Variants in TMEM132B observed in about 807,000 individuals in gnomAD.
TMEM132B encodes transmembrane protein 132B.
A neutral mutation model predicts 90.8 loss-of-function variants in TMEM132B; 18 were observed. The observed-to-expected ratio is 0.20, with a 90% CI of 0.14 to 0.29. The LOEUF is 0.29. Among genes scored for constraint, TMEM132B ranks in the 10% least tolerant of loss-of-function variants. TMEM132B has a pLI of 1.00. For missense variants in TMEM132B, 1,096 were observed against 1,326.8 expected (o/e 0.83, Z 2.70); for synonymous variants, 504 against 523.3 (o/e 0.96, Z 0.50).
At chr12:125,580,660 A>G (rs1278457323) in intron 4 of TMEM132B, among the ~76,000 whole-genome samples, 2 of 152,176 alleles carry the variant, frequency 1.3e-5, no homozygotes, top group African/African-American at 4.8e-5. Flanking sequence ...TTCTTGAATA[A>G]ATGATCTCCT....
intron 4 of TMEM132B, among the ~76,000 whole-genome samples, chr12:125,542,377 G>C (rs1883980609): frequency 6.6e-6 from 1 of 152,146 alleles, no homozygotes; most frequent in Middle Eastern, 3.2e-3. Context: ...CCATTTTCAA[G>C]TGTACAGTTC....
chr12:125,602,214 A>C (rs746422313), intron 5 of TMEM132B, among the ~76,000 whole-genome samples: 1 of 152,210 alleles, frequency 6.6e-6, no homozygotes, highest in African/African-American at 2.4e-5. Flanking sequence ...AAAATCCTCA[A>C]TAAAATACTG....
At position 125,188,852 on chromosome 12, in the gene TMEM132B, C is replaced by CAAAAAAA. The variant is rs72059024; in HGVS notation, c.67+2001_67+2007dup. On this transcript the variant is annotated intron_variant, in intron 1 of 8. Coordinates refer to ENST00000682704, the MANE Select transcript of TMEM132B (RefSeq NM_001366854.1). ...ATTTAGCACTAGTTAGGAGGGATGG[C>CAAAAAAA]AAAAAAAAAAAAAAAAAAAAAGAAA... Among the ~76,000 whole-genome samples the CAAAAAAA allele has an allele frequency of 2.2e-5, 2 of 91,204 alleles. 1 individual carries two copies. Among genetic ancestry groups the CAAAAAAA allele is most frequent in the Non-Finnish European group, 4.1e-5 (2 of 48,684 alleles). 59.8% of individuals were successfully genotyped at this position (91,204 alleles called of 152,430 possible).
intron 1 of TMEM132B, among the ~76,000 whole-genome samples, chr12:125,197,675 A>G (rs1360200133): frequency 2.0e-5 from 3 of 152,238 alleles, no homozygotes; most frequent in African/African-American, 7.2e-5. Context: ...GGTCCTTTTA[A>G]AGACAAAATT....
At chr12:125,366,639 G>T (rs1878142310) in intron 2 of TMEM132B, among the ~76,000 whole-genome samples, 1 of 152,122 alleles carries the variant, frequency 6.6e-6, no homozygotes, top group African/African-American at 2.4e-5. Flanking sequence ...ATGTGCAGAG[G>T]TATGGACTTT....
At chr12:125,266,203 G>C (rs4765031) in intron 1 of TMEM132B, among the ~76,000 whole-genome samples, 1 of 152,132 alleles carries the variant, frequency 6.6e-6, no homozygotes, top group Non-Finnish European at 1.5e-5. Flanking sequence ...CACTCCAGCC[G>C]GGGTGACAAA....
chr12:125,464,149 A>T (rs900236026), intron 3 of TMEM132B, among the ~76,000 whole-genome samples: 1 of 152,140 alleles, frequency 6.6e-6, no homozygotes, highest in African/African-American at 2.4e-5. Context: ...TTAAAAGGTG[A>T]CCCTAAAACT....
chr12:125,340,529 G>C (rs1037547087), intron 1 of TMEM132B, among the ~76,000 whole-genome samples: 1 of 152,058 alleles, frequency 6.6e-6, no homozygotes, highest in African/African-American at 2.4e-5. Context: ...AGCATAACAT[G>C]GTGGTGGAAA....
In TMEM132B at chr12:125,618,870, A is replaced by G. The variant is rs150352426; in HGVS notation, c.1438-25206A>G. 3.3e-5 allele frequency among the ~76,000 whole-genome samples: 5 copies of G among 152,330 alleles called. No homozygotes were observed. In the East Asian group the frequency reaches 9.6e-4, roughly 29 times the overall value. On this transcript the variant is annotated intron_variant, in intron 5 of 8. Coordinates refer to ENST00000682704, the MANE Select transcript of TMEM132B (RefSeq NM_001366854.1). Reference sequence around the variant, plus strand: ...GACTCCAGTTTGGTAACCACTGAAGAAACATACTTGAAGTACCCTAAACTG... The same window carrying G: ...GACTCCAGTTTGGTAACCACTGAAGGAACATACTTGAAGTACCCTAAACTG...
intron 5 of TMEM132B, among the ~76,000 whole-genome samples, chr12:125,605,774 G>A (rs939687806): frequency 6.6e-6 from 1 of 152,184 alleles, no homozygotes; most frequent in African/African-American, 2.4e-5. Flanking sequence ...GAGGCAAAGA[G>A]AATAAGGATG....
chr12:125,608,584 A>T (rs1276100223), intron 5 of TMEM132B, among the ~76,000 whole-genome samples: 4 of 152,202 alleles, frequency 2.6e-5, no homozygotes, highest in African/African-American at 9.7e-5. Context: ...TCAAGTCTAA[A>T]TGTAACCAAT....
At chr12:125,467,999 C>G (rs1005630722) in intron 3 of TMEM132B, among the ~76,000 whole-genome samples, 1 of 151,696 alleles carries the variant, frequency 6.6e-6, no homozygotes, top group East Asian at 2.1e-4. Flanking sequence ...TTTTGTTTAT[C>G]CATTCTTTTG....
intron 3 of TMEM132B, among the ~76,000 whole-genome samples, chr12:125,482,809 G>A (rs1240229449): frequency 9.2e-5 from 14 of 151,900 alleles, no homozygotes; most frequent in African/African-American, 2.2e-4. Context: ...TGTTTATTGC[G>A]GCACTATTCA....
At chr12:125,517,327 ATTTTTTTTTTTTTTTTTTTTT>A (rs56147854) in intron 3 of TMEM132B, among the ~76,000 whole-genome samples, 13 of 28,488 alleles carry the variant, frequency 4.6e-4, no homozygotes, top group Middle Eastern at 0.018. Context: ...TGCCCTGCTG[ATTTTTTTTTTTTTTTTTTTTT>A]TTTTTTTTTT....
chr12:125,348,968 A>C (rs1316618485), intron 1 of TMEM132B, among the ~76,000 whole-genome samples: 1 of 152,206 alleles, frequency 6.6e-6, no homozygotes, highest in Non-Finnish European at 1.5e-5. Context: ...TTTCAATAAC[A>C]ATAGTAGAGA....
At chr12:125,258,630 C>T (rs991409246) in intron 1 of TMEM132B, among the ~76,000 whole-genome samples, 1 of 152,070 alleles carries the variant, frequency 6.6e-6, no homozygotes, top group South Asian at 2.1e-4. Flanking sequence ...TGGTCAAAGT[C>T]CTCATAAGCC....
At chr12:125,423,363 T>G (rs1015802873) in intron 3 of TMEM132B, among the ~76,000 whole-genome samples, 1 of 152,128 alleles carries the variant, frequency 6.6e-6, no homozygotes, top group Admixed American at 6.5e-5. Flanking sequence ...AAATGCGTCG[T>G]GCACAGGGCA....
At chr12:125,512,114 G>C (rs915374920) in intron 3 of TMEM132B, among the ~76,000 whole-genome samples, 1 of 152,130 alleles carries the variant, frequency 6.6e-6, no homozygotes, top group African/African-American at 2.4e-5. Context: ...GTGCCTACTA[G>C]GGAGCTCAAA....
chr12:125,388,228 GA>G (rs1008668612), intron 2 of TMEM132B, among the ~76,000 whole-genome samples: 2 of 152,100 alleles, frequency 1.3e-5, no homozygotes, highest in African/African-American at 4.8e-5. Context: ...GGGAGTTCAA[GA>G]CCAGCCTGAC....
Sources: allele counts gnomAD v4.1 joint callset (sites outside exome capture counted in the v4.1 genomes callset), GRCh38; gene constraint gnomAD v4.1.1; transcripts MANE v1.5; gene names NCBI Gene and HGNC (gene_info 2026-07-23, HGNC 2026-07-21).